FAR2: variants seen among roughly 807,000 people sequenced by gnomAD.
FAR2 encodes the protein epididymis secretory protein Li 81.
Under a neutral mutation model 56.0 loss-of-function variants are expected in FAR2, and 19 were observed. That is an observed-to-expected ratio of 0.34 (90% CI 0.24 to 0.50). The LOEUF (loss-of-function observed/expected upper bound fraction) is 0.50. FAR2 is among the 20% of genes least tolerant of loss of function. The pLI is 0.98. For missense variants in FAR2, 508 were observed against 642.2 expected, an observed-to-expected ratio of 0.79 and a Z score of 2.26; for synonymous variants, 219 against 218.8, an observed-to-expected ratio of 1.00 and a Z score of -0.01.
intron 4 of FAR2, among the ~76,000 whole-genome samples, chr12:29,298,103 C>A (rs1009249929): frequency 2.7e-5 from 4 of 150,878 alleles, no homozygotes; most frequent in Non-Finnish European, 5.9e-5. Context: ...CAGAAGGTGA[C>A]AGTCTCTTGA....
intron 1 of FAR2, among the ~76,000 whole-genome samples, chr12:29,268,115 G>T (rs1030602420): frequency 1.2e-4 from 19 of 152,204 alleles, no homozygotes; most frequent in Non-Finnish European, 2.6e-4. Context: ...AAGAGTCATT[G>T]TTGCTTAAGG....
At chr12:29,326,592 T>G (rs1949651826) in intron 10 of FAR2, among the ~76,000 whole-genome samples, 1 of 152,192 alleles carries the variant, frequency 6.6e-6, no homozygotes, top group Non-Finnish European at 1.5e-5. Context: ...GCAAGGCTGG[T>G]TCAACATATG....
At chr12:29,229,806 A>G (rs918824999) in intron 1 of FAR2, among the ~76,000 whole-genome samples, 1 of 152,228 alleles carries the variant, frequency 6.6e-6, no homozygotes, top group East Asian at 1.9e-4. Context: ...AAGGGCTTAA[A>G]TGACAGATTA....
At chr12:29,261,997 A>G (rs1380884602) in intron 1 of FAR2, among the ~76,000 whole-genome samples, 2 of 152,358 alleles carry the variant, frequency 1.3e-5, no homozygotes, top group East Asian at 3.9e-4. Flanking sequence ...GCTCACTGGT[A>G]ATAAGTACAC....
chr12:29,257,830 G>C (rs995235402), intron 1 of FAR2, among the ~76,000 whole-genome samples: 1 of 152,122 alleles, frequency 6.6e-6, no homozygotes, highest in South Asian at 2.1e-4. Flanking sequence ...CACTCACCAC[G>C]AGGGTCCGGG....
chr12:29,311,639 A>G (rs574565944), intron 7 of FAR2, among the ~76,000 whole-genome samples: 1 of 149,906 alleles, frequency 6.7e-6, no homozygotes, highest in East Asian at 2.0e-4. Context: ...GTACTCCATA[A>G]TATGTCACTC....
At chr12:29,326,014 TAAA>T (rs1949638831) in intron 10 of FAR2, among the ~76,000 whole-genome samples, 1 of 151,454 alleles carries the variant, frequency 6.6e-6, no homozygotes, top group Non-Finnish European at 1.5e-5. Flanking sequence ...GCAAGACTAA[TAAA>T]GAAGAAAAGA....
chr12:29,264,616 AAAATAAATAAATAAAT>A (rs148784734), intron 1 of FAR2, among the ~76,000 whole-genome samples: 17 of 130,140 alleles, frequency 1.3e-4, no homozygotes, highest in South Asian at 5.3e-4. Context: ...ATCCTGTCTC[AAAATAAATAAATAAAT>A]AAATAAATAA....
At chr12:29,206,420 C>G (rs2136623012) in intron 1 of FAR2, among the ~76,000 whole-genome samples, 1 of 152,334 alleles carries the variant, frequency 6.6e-6, no homozygotes, top group Non-Finnish European at 1.5e-5. Flanking sequence ...TATATTTAAC[C>G]TGGCACAAGG....
intron 8 of FAR2, 111 bp from the exon 9 acceptor site, chr12:29,316,730 T>C: frequency 9.0e-7 from 1 of 1,105,016 alleles, no homozygotes; most frequent in Non-Finnish European, 1.3e-6. Flanking sequence ...TTCTTGACTC[T>C]ACACAGCAAA....
intron 1 of FAR2, among the ~76,000 whole-genome samples, chr12:29,266,396 A>G (rs1948516692): frequency 6.6e-6 from 1 of 152,174 alleles, no homozygotes; most frequent in South Asian, 2.1e-4. Context: ...GAAGTAAACC[A>G]GGTACAGAAA....
chr12:29,260,679 A>G lies in FAR2; in HGVS notation c.-38-9733A>G, dbSNP rs547946300. Among the ~76,000 whole-genome samples, 18 of 152,228 alleles carry G rather than the reference A, an allele frequency of 1.2e-4. No homozygotes were observed. In the South Asian group the frequency reaches 2.3e-3, roughly 19 times the overall value. On this transcript the variant is annotated intron_variant, in intron 1 of 11. Coordinates refer to ENST00000536681, the MANE Select transcript of FAR2 (RefSeq NM_001271783.2). The stretch of plus-strand genomic sequence containing the variant: ...TGCCAGCTCAGCCAATGTAGAAAAG[A>G]GCATCAAGTTAAATTCTTAAGGTTC...
rs559424120 is a variant in FAR2 at position 29,187,042 on chromosome 12, C to T, written c.-39+37635C>T. 8.2e-4 allele frequency among the ~76,000 whole-genome samples: 125 copies of T among 152,270 alleles called. 1 individual carries two copies. Among genetic ancestry groups the T allele is most frequent in the African/African-American group, 2.8e-3 (118 of 41,556 alleles). On this transcript the variant is annotated intron_variant, in intron 1 of 11. Transcript: ENST00000536681. The stretch of plus-strand genomic sequence containing the variant: ...TGGCCTCGTGATCCGCCCACCTCGG[C>T]CTCCCAAAGTGCTGGGATTACAGGT...
At chr12:29,166,084 A>G (rs1949824922) in intron 1 of FAR2, among the ~76,000 whole-genome samples, 1 of 152,264 alleles carries the variant, frequency 6.6e-6, no homozygotes, top group Non-Finnish European at 1.5e-5. Flanking sequence ...GTGAATAACA[A>G]CATCTACACT....
intron 1 of FAR2, among the ~76,000 whole-genome samples, chr12:29,253,123 G>T (rs1289619295): frequency 7.9e-5 from 12 of 151,936 alleles, no homozygotes; most frequent in Admixed American, 7.9e-4. Flanking sequence ...AACTTGCCAA[G>T]CCTCCACAAC....
chr12:29,149,849 C>T lies in FAR2; in HGVS notation c.-39+442C>T, dbSNP rs536574157. Among the ~76,000 whole-genome samples the T allele has an allele frequency of 6.6e-5, 10 of 152,300 alleles. No homozygotes were observed. The South Asian group carries it at 2.1e-3, about 32-fold the overall frequency. ...AGAGAGCGCGAAAATGCCGGGGCCACGTGTGAAACGGCAGCGGTCCTAGGT... is the reference window on the plus strand; with the variant it reads ...AGAGAGCGCGAAAATGCCGGGGCCATGTGTGAAACGGCAGCGGTCCTAGGT... On this transcript the variant is annotated intron_variant, in intron 1 of 11. Transcript: ENST00000536681.
intron 1 of FAR2, among the ~76,000 whole-genome samples, chr12:29,207,276 C>T (rs530107196): frequency 5.3e-5 from 8 of 152,246 alleles, no homozygotes; most frequent in East Asian, 1.9e-4. Flanking sequence ...TTAGAAACTT[C>T]GGTTTAACAG....
intron 1 of FAR2, among the ~76,000 whole-genome samples, chr12:29,175,026 A>G (rs1168423425): frequency 1.3e-5 from 2 of 152,216 alleles, no homozygotes; most frequent in Non-Finnish European, 2.9e-5. Flanking sequence ...GGGTTGTTAG[A>G]GAGCCCTTTC....
At chr12:29,211,913 G>C (rs1591855530) in intron 1 of FAR2, among the ~76,000 whole-genome samples, 1 of 149,332 alleles carries the variant, frequency 6.7e-6, no homozygotes, top group African/African-American at 2.5e-5. Flanking sequence ...TTTGGACACA[G>C]AGACACACAC....
Sources: gnomAD v4.1 joint callset for allele counts (sites outside exome capture counted in the v4.1 genomes callset) on GRCh38, gnomAD v4.1.1 for gene constraint, MANE v1.5 for transcripts, NCBI Gene and HGNC (gene_info 2026-07-23, HGNC 2026-07-21) for gene names.